R3HCC1L: variants seen among roughly 807,000 people sequenced by gnomAD.
R3HCC1L encodes R3H domain and coiled-coil containing 1 like.
A neutral mutation model predicts 59.9 loss-of-function variants in R3HCC1L; 51 were observed. The observed-to-expected ratio is 0.85, with a 90% CI of 0.68 to 1.07. R3HCC1L has a LOEUF of 1.07. R3HCC1L is among the 50% of genes least tolerant of loss of function. The pLI is 0.00. For synonymous variants in R3HCC1L, 322 were observed against 315.2 expected, an observed-to-expected ratio of 1.02 and a Z score of -0.23; for missense variants, 965 against 933.0, an observed-to-expected ratio of 1.03 and a Z score of -0.45.
At chr10:98,141,283 A>G (rs1047847794) in intron 1 of R3HCC1L, among the ~76,000 whole-genome samples, 1 of 152,206 alleles carries the variant, frequency 6.6e-6, no homozygotes, top group African/African-American at 2.4e-5. Flanking sequence ...CTTACATATC[A>G]TAGGTATTCA....
chr10:98,231,183 C>T (rs1325382980), intron 5 of R3HCC1L: 5 of 367,186 alleles, frequency 1.4e-5, no homozygotes, highest in Non-Finnish European at 5.1e-6. Context: ...ATCTAAGCTT[C>T]ATTTTCCAAG....
At chr10:98,235,055 A>G (rs1239962334) in intron 7 of R3HCC1L, among the ~76,000 whole-genome samples, 1 of 152,222 alleles carries the variant, frequency 6.6e-6, no homozygotes, top group Non-Finnish European at 1.5e-5. Context: ...ATAAAGGACC[A>G]AACAGTAAAT....
intron 4 of R3HCC1L, among the ~76,000 whole-genome samples, chr10:98,167,062 T>G (rs1296226573): frequency 6.6e-6 from 1 of 152,160 alleles, no homozygotes; most frequent in Non-Finnish European, 1.5e-5. Context: ...TTGCCTATTG[T>G]TAGCTTTTAC....
In R3HCC1L at chr10:98,231,672, T is replaced by G. The variant is rs1856413104; in HGVS notation, c.1946T>G (p.Val649Gly). ...QEFHTEDLLR[V>G]FCSYQKKGFD... ...TTTCATACTGAAGACCTTCTACGGG[T>G]TTTCTGCAGTTATCAGTGAGTATGC... Residue 649 changes from valine to glycine, a missense_variant, in exon 6 of 10, where the codon GTT becomes GGT. Physicochemically the swap from Val to Gly is moderately radical, Grantham distance 109. Coordinates refer to ENST00000298999, the MANE Select transcript of R3HCC1L (RefSeq NM_001351015.2). 6.2e-7 allele frequency: 1 copy of G among 1,608,998 alleles called. No individual in the cohort carries two copies. The highest frequency in any genetic ancestry group is 8.5e-7 in the Non-Finnish European group (1 of 1,176,864).
chr10:98,167,355 T>C (rs1370292999), intron 4 of R3HCC1L, among the ~76,000 whole-genome samples: 1 of 152,240 alleles, frequency 6.6e-6, no homozygotes, highest in African/African-American at 2.4e-5. Flanking sequence ...TGAAACTTGC[T>C]TTTGGTTTCT....
At chr10:98,202,928 T>G (rs1311633935) in intron 4 of R3HCC1L, among the ~76,000 whole-genome samples, 1 of 152,028 alleles carries the variant, frequency 6.6e-6, no homozygotes, top group African/African-American at 2.4e-5. Flanking sequence ...ATGACAGCTT[T>G]CACTGTGGAG....
intron 4 of R3HCC1L, 103 bp from the exon 5 acceptor site, chr10:98,207,998 C>T (rs975201254): frequency 3.6e-6 from 4 of 1,097,646 alleles, no homozygotes; most frequent in Admixed American, 5.7e-5. Context: ...GTACTCTAGC[C>T]TGGGTGACAG....
intron 2 of R3HCC1L, among the ~76,000 whole-genome samples, chr10:98,159,623 T>A (rs951281348): frequency 6.6e-6 from 1 of 152,204 alleles, no homozygotes; most frequent in African/African-American, 2.4e-5. Context: ...CCTTAATTGG[T>A]GATATTCTAA....
At chr10:98,223,220 C>G (rs1302001477) in intron 5 of R3HCC1L, among the ~76,000 whole-genome samples, 1 of 152,150 alleles carries the variant, frequency 6.6e-6, no homozygotes, top group East Asian at 1.9e-4. Context: ...ACCAAAGCCA[C>G]GCAGAGACAC....
At chr10:98,224,928 C>T (rs1408797257) in intron 5 of R3HCC1L, among the ~76,000 whole-genome samples, 1 of 152,076 alleles carries the variant, frequency 6.6e-6, no homozygotes, top group Non-Finnish European at 1.5e-5. Flanking sequence ...ATGTGAACCA[C>T]ATGTATGGTT....
intron 1 of R3HCC1L, among the ~76,000 whole-genome samples, chr10:98,150,982 A>G (rs537387700): frequency 4.6e-5 from 7 of 151,882 alleles, no homozygotes; most frequent in Admixed American, 2.6e-4. Context: ...GTCGGGGGGA[A>G]ATTTTCTGCA....
chr10:98,153,912 A>T (rs1216816218), intron 1 of R3HCC1L, among the ~76,000 whole-genome samples: 1 of 152,006 alleles, frequency 6.6e-6, no homozygotes, highest in Non-Finnish European at 1.5e-5. Flanking sequence ...TTCCAAAGAC[A>T]CTTTAGGGTC....
In R3HCC1L at chr10:98,236,052, T is replaced by G; in HGVS notation, c.2157T>G (p.Pro719=). The G allele has an allele frequency of 6.2e-7, 1 of 1,613,966 alleles. No individual in the cohort carries two copies. Among genetic ancestry groups the G allele is most frequent in the Non-Finnish European group, 8.5e-7 (1 of 1,179,840 alleles). The part of the protein sequence containing the change: ...AEFLQPAKER[P]ETSAALARRL... ...TCCTCCAGCCAGCAAAGGAGCGTCCTGAGACTTCAGCAGCCCTAGCCAGAA... is the reference window on the plus strand; with the variant it reads ...TCCTCCAGCCAGCAAAGGAGCGTCCGGAGACTTCAGCAGCCCTAGCCAGAA... The change falls in exon 9 of 10, where the codon CCT becomes CCG. Residue 719 remains proline (P), a synonymous_variant. Coordinates refer to ENST00000298999, the MANE Select transcript of R3HCC1L (RefSeq NM_001351015.2).
intron 2 of R3HCC1L, among the ~76,000 whole-genome samples, chr10:98,161,125 G>A (rs1233244653): frequency 6.6e-6 from 1 of 152,110 alleles, no homozygotes; most frequent in Non-Finnish European, 1.5e-5. Flanking sequence ...GAGGTTGTAC[G>A]AATTTGAATT....
intron 4 of R3HCC1L, among the ~76,000 whole-genome samples, chr10:98,186,161 G>A (rs1054048683): frequency 1.3e-5 from 2 of 152,276 alleles, no homozygotes; most frequent in African/African-American, 4.8e-5. Flanking sequence ...TATCGTTTAT[G>A]TATGGCCCAA....
At chr10:98,184,205 AC>A (rs1849987074) in intron 4 of R3HCC1L, among the ~76,000 whole-genome samples, 1 of 151,728 alleles carries the variant, frequency 6.6e-6, no homozygotes, top group Non-Finnish European at 1.5e-5. Flanking sequence ...CTTAATGTCT[AC>A]CCTCAGCTTT....
chr10:98,209,541 A>G lies in R3HCC1L; in HGVS notation c.1427A>G (p.Lys476Arg). 6.2e-7 allele frequency: 1 copy of G among 1,613,950 alleles called. No homozygotes were observed. The highest frequency in any genetic ancestry group is 8.5e-7 in the Non-Finnish European group (1 of 1,179,956). Residue 476 changes from lysine to arginine, a missense_variant, in exon 5 of 10, where the codon AAA (lysine) becomes AGA (arginine). Transcript: ENST00000298999. ...LSDCASSLPI[K>R]KIAGSNYNTF... ...GATTGTGCTTCCTCCTTACCTATAA[A>G]AAAGATTGCTGGTAGTAATTATAAC...
At chr10:98,220,624 C>T (rs1487435976) in intron 5 of R3HCC1L, among the ~76,000 whole-genome samples, 12 of 140,172 alleles carry the variant, frequency 8.6e-5, no homozygotes, top group South Asian at 4.8e-4. Flanking sequence ...TGAGAATATG[C>T]GGTGTTTGGT....
intron 4 of R3HCC1L, among the ~76,000 whole-genome samples, chr10:98,195,432 G>A (rs749334691): frequency 4.8e-4 from 72 of 151,398 alleles, no homozygotes; most frequent in Non-Finnish European, 7.4e-4. Flanking sequence ...TTGTGAAGAG[G>A]TAAATTTATG....
Sources: allele counts gnomAD v4.1 joint callset (sites outside exome capture counted in the v4.1 genomes callset), GRCh38; gene constraint gnomAD v4.1.1; transcripts MANE v1.5; gene names NCBI Gene and HGNC (gene_info 2026-07-23, HGNC 2026-07-21).